The following NRG1 variants were observed in gnomAD, a reference collection of about 807,000 sequenced individuals.
NRG1 encodes pro-neuregulin-1, membrane-bound isoform.
NRG1 carries 18 observed loss-of-function variants against 63.8 expected under a neutral mutation model. The ratio of observed to expected loss-of-function variants is 0.28; its 90% CI spans 0.19 to 0.42. The LOEUF (loss-of-function observed/expected upper bound fraction) is 0.42. NRG1 is among the 10% of genes least tolerant of loss of function. The probability of loss-of-function intolerance (pLI) is 1.00; values close to 1 mark genes in which losing one functional copy is unlikely to be tolerated. For missense variants in NRG1, 762 were observed against 814.7 expected, an observed-to-expected ratio of 0.94 and a Z score of 0.79; for synonymous variants, 302 against 301.3, an observed-to-expected ratio of 1.00 and a Z score of -0.02.
At chr8:32,653,390 C>G (rs1855574944) in intron 5 of NRG1, among the ~76,000 whole-genome samples, 1 of 152,076 alleles carries the variant, frequency 6.6e-6, no homozygotes, top group African/African-American at 2.4e-5. Context: ...TTTTGACTTC[C>G]ACTCCTGTCT....
intron 1 of NRG1, among the ~76,000 whole-genome samples, chr8:32,223,623 C>G (rs1002303941): frequency 2.6e-5 from 4 of 152,106 alleles, no homozygotes; most frequent in Admixed American, 2.0e-4. Context: ...ATCTGATGCA[C>G]TGTTGTGTAT....
chr8:32,344,857 C>T (rs1306085225), intron 1 of NRG1, among the ~76,000 whole-genome samples: 1 of 152,032 alleles, frequency 6.6e-6, no homozygotes, highest in Non-Finnish European at 1.5e-5. Context: ...ATCTACTAGA[C>T]AATCTATTAT....
chr8:32,464,279 A>AC (rs144963557), intron 1 of NRG1, among the ~76,000 whole-genome samples: 25,692 of 86,654 alleles, frequency 0.3, 2,975 homozygotes, highest in Non-Finnish European at 0.31. Flanking sequence ...ACTTATCCCC[A>AC]CCCCCCCCCA....
At chr8:32,266,935 G>A (rs1462682217) in intron 1 of NRG1, among the ~76,000 whole-genome samples, 2 of 151,298 alleles carry the variant, frequency 1.3e-5, no homozygotes, top group Non-Finnish European at 2.9e-5. Flanking sequence ...TGTAATCCCA[G>A]CTACTCAGGA....
chr8:32,073,075 G>A (rs4733291), intron 1 of NRG1, among the ~76,000 whole-genome samples: 149,090 of 152,214 alleles, frequency 0.98, 73,088 homozygotes, highest in East Asian at 1. Context: ...TAGGGAAATT[G>A]ATACTATGAA....
intron 5 of NRG1, among the ~76,000 whole-genome samples, chr8:32,634,021 G>A (rs574091727): frequency 6.8e-6 from 1 of 146,926 alleles, no homozygotes; most frequent in East Asian, 2.0e-4. Context: ...ACATGTACCT[G>A]TAGTCCCAGC....
chr8:32,501,023 A>G (rs1211437204), intron 1 of NRG1, among the ~76,000 whole-genome samples: 1 of 152,222 alleles, frequency 6.6e-6, no homozygotes, highest in Non-Finnish European at 1.5e-5. Context: ...ACTCCAGAGT[A>G]CCTGCCAAGG....
intron 1 of NRG1, among the ~76,000 whole-genome samples, chr8:32,311,491 A>G (rs1286555093): frequency 6.6e-6 from 1 of 152,154 alleles, no homozygotes; most frequent in African/African-American, 2.4e-5. Context: ...AAGGCCCTAG[A>G]GGAAGAATGA....
intron 1 of NRG1, among the ~76,000 whole-genome samples, chr8:31,887,213 C>T (rs754769254): frequency 4.0e-5 from 6 of 151,784 alleles, no homozygotes; most frequent in South Asian, 4.2e-4. Context: ...ATGGTTTTCC[C>T]GTGATAGAGA....
intron 1 of NRG1, chr8:32,442,667 A>G (rs1819704970): frequency 6.6e-6 from 1 of 152,186 alleles, no homozygotes; most frequent in Admixed American, 6.5e-5. Flanking sequence ...ATGTACCACA[A>G]ATAGTGTACT....
intron 3 of NRG1, among the ~76,000 whole-genome samples, chr8:32,608,302 C>T (rs994966680): frequency 6.6e-6 from 1 of 151,312 alleles, no homozygotes; most frequent in Non-Finnish European, 1.5e-5. Context: ...CCTCAGCCCC[C>T]TGAGTAGCCA....
chr8:32,582,790 G>A (rs1351337674), intron 1 of NRG1, among the ~76,000 whole-genome samples: 1 of 152,144 alleles, frequency 6.6e-6, no homozygotes, highest in Non-Finnish European at 1.5e-5. Flanking sequence ...TTTGTATTGT[G>A]CAAAACTTCA....
chr8:32,278,929 G>T (rs1852399706), intron 1 of NRG1, among the ~76,000 whole-genome samples: 1 of 152,238 alleles, frequency 6.6e-6, no homozygotes. Context: ...TCCAGCCAGA[G>T]AAATATACAG....
intron 1 of NRG1, among the ~76,000 whole-genome samples, chr8:31,644,069 T>TG (rs1804060251): frequency 6.6e-6 from 1 of 152,228 alleles, no homozygotes; most frequent in African/African-American, 2.4e-5. Context: ...TAATAAAGTG[T>TG]GCTAACCTTA....
At chr8:31,821,578 C>T (rs143104053) in intron 1 of NRG1, among the ~76,000 whole-genome samples, 2 of 152,006 alleles carry the variant, frequency 1.3e-5, no homozygotes, top group Non-Finnish European at 2.9e-5. Context: ...ATTTTTGGAC[C>T]CTTAAGTTCT....
At chr8:32,353,989 G>C (rs1805997688) in intron 1 of NRG1, among the ~76,000 whole-genome samples, 1 of 152,068 alleles carries the variant, frequency 6.6e-6, no homozygotes, top group South Asian at 2.1e-4. Flanking sequence ...ATACTACTCA[G>C]TAATAAAAAG....
At chr8:31,930,938 C>G (rs1834808137) in intron 1 of NRG1, among the ~76,000 whole-genome samples, 1 of 152,176 alleles carries the variant, frequency 6.6e-6, no homozygotes, top group Admixed American at 6.5e-5. Flanking sequence ...ATGTTTCCTT[C>G]TGCTGAATTC....
intron 1 of NRG1, among the ~76,000 whole-genome samples, chr8:31,832,084 G>T (rs1343309068): frequency 6.6e-6 from 1 of 152,126 alleles, no homozygotes; most frequent in Non-Finnish European, 1.5e-5. Context: ...CAATCCAAGA[G>T]TCAGGAACAC....
At chr8:32,443,005 T>C (rs1431960669) in intron 1 of NRG1, among the ~76,000 whole-genome samples, 1 of 152,046 alleles carries the variant, frequency 6.6e-6, no homozygotes, top group East Asian at 1.9e-4. Flanking sequence ...TTATAACTCA[T>C]TGCATTGCAA....
Sources: allele counts gnomAD v4.1 joint callset (sites outside exome capture counted in the v4.1 genomes callset), GRCh38; gene constraint gnomAD v4.1.1; transcripts MANE v1.5; gene names NCBI Gene and HGNC (gene_info 2026-07-23, HGNC 2026-07-21).